KCNH1: variants seen among roughly 807,000 people sequenced by gnomAD.
The protein encoded by KCNH1 is voltage-gated delayed rectifier potassium channel KCNH1.
In KCNH1, 27 loss-of-function variants were observed where a neutral mutation model predicts 69.2. The ratio of observed to expected loss-of-function variants is 0.39; its 90% CI spans 0.29 to 0.54. The LOEUF (loss-of-function observed/expected upper bound fraction) is 0.54, where lower values mean the gene tolerates loss of function less well. Among genes scored for constraint, KCNH1 ranks in the 20% least tolerant of loss-of-function variants. The pLI is 0.68. For synonymous variants in KCNH1, 456 were observed against 487.7 expected (o/e 0.93, Z 0.86); for missense variants, 798 against 1,261.6 (o/e 0.63, Z 5.57).
intron 7 of KCNH1, among the ~76,000 whole-genome samples, chr1:210,913,807 C>A (rs1687283844): frequency 6.6e-6 from 1 of 152,176 alleles, no homozygotes; most frequent in South Asian, 2.1e-4. Flanking sequence ...GGCACATGAC[C>A]ACTCAGAATA....
chr1:210,826,926 T>C (rs1033319642), intron 7 of KCNH1, among the ~76,000 whole-genome samples: 2 of 152,246 alleles, frequency 1.3e-5, no homozygotes, highest in African/African-American at 4.8e-5. Context: ...AGTTGGCACA[T>C]AGACACCTGG....
chr1:210,733,605 C>T (rs147887095), intron 10 of KCNH1, among the ~76,000 whole-genome samples: 2 of 152,310 alleles, frequency 1.3e-5, no homozygotes, highest in African/African-American at 4.8e-5. Flanking sequence ...GCTGCACCAG[C>T]TGTGGGCATT....
intron 6 of KCNH1, among the ~76,000 whole-genome samples, chr1:210,963,696 T>C (rs1166366233): frequency 6.6e-6 from 1 of 151,866 alleles, no homozygotes; most frequent in East Asian, 1.9e-4. Context: ...ACATCAGAGA[T>C]TGAAGATCAA....
At chr1:211,049,563 G>A (rs931915283) in intron 5 of KCNH1, among the ~76,000 whole-genome samples, 1 of 152,146 alleles carries the variant, frequency 6.6e-6, no homozygotes, top group Non-Finnish European at 1.5e-5. Context: ...GGGAGAGCAG[G>A]ACTTGATGTG....
chr1:210,859,270 T>C, intron 7 of KCNH1: 1 of 1,603,864 alleles, frequency 6.2e-7, no homozygotes, highest in Non-Finnish European at 8.5e-7. Flanking sequence ...TCATTTTGGA[T>C]TCATGAGCTG....
chr1:210,921,079 C>T (rs989420681), intron 6 of KCNH1, among the ~76,000 whole-genome samples: 1 of 152,176 alleles, frequency 6.6e-6, no homozygotes, highest in Non-Finnish European at 1.5e-5. Flanking sequence ...AATTCAGTTA[C>T]CCCTTGGTTC....
intron 10 of KCNH1, among the ~76,000 whole-genome samples, chr1:210,742,469 A>G (rs1175077248): frequency 1.3e-5 from 2 of 152,138 alleles, no homozygotes; most frequent in African/African-American, 4.8e-5. Context: ...CTGCTTTCCT[A>G]TGGGCTCAAG....
chr1:210,716,448 AG>A (rs1487109307), intron 10 of KCNH1, among the ~76,000 whole-genome samples: 2 of 150,686 alleles, frequency 1.3e-5, no homozygotes, highest in Non-Finnish European at 1.5e-5. Context: ...AAAAAAAAAA[AG>A]CATGTTACAC....
intron 6 of KCNH1, among the ~76,000 whole-genome samples, chr1:210,926,928 G>T (rs570804834): frequency 1.3e-5 from 2 of 152,104 alleles, no homozygotes; most frequent in Non-Finnish European, 2.9e-5. Flanking sequence ...AAATGCACTG[G>T]AAAGTCTCAG....
chr1:210,701,000 C>G (rs1020382645), intron 10 of KCNH1, among the ~76,000 whole-genome samples: 5 of 152,040 alleles, frequency 3.3e-5, no homozygotes, highest in African/African-American at 9.7e-5. Flanking sequence ...TGCAGTGGCG[C>G]GATCTCGGCT....
At chr1:210,893,604 C>G (rs1262300983) in intron 7 of KCNH1, among the ~76,000 whole-genome samples, 1 of 151,872 alleles carries the variant, frequency 6.6e-6, no homozygotes, top group African/African-American at 2.4e-5. Context: ...AATATTGCTT[C>G]TACTTTCTCT....
intron 6 of KCNH1, among the ~76,000 whole-genome samples, chr1:210,943,918 C>T (rs11119636): frequency 0.7 from 106,918 of 152,038 alleles, 38,410 homozygotes; most frequent in African/African-American, 0.85. Flanking sequence ...CAGTAGATAC[C>T]GGTTTCCCAC....
intron 6 of KCNH1, among the ~76,000 whole-genome samples, chr1:210,970,456 A>G (rs902961663): frequency 6.6e-6 from 1 of 152,068 alleles, no homozygotes; most frequent in Non-Finnish European, 1.5e-5. Flanking sequence ...AGCTTCATCC[A>G]TGTCCCCGCA....
chr1:210,826,162 C>T (rs1407139471), intron 7 of KCNH1, among the ~76,000 whole-genome samples: 1 of 152,042 alleles, frequency 6.6e-6, no homozygotes, highest in Non-Finnish European at 1.5e-5. Context: ...AAATTAAAAA[C>T]TAGTTCTTCC....
In KCNH1 at chr1:211,082,801, G is replaced by A. The variant is rs1208908860; in HGVS notation, c.537C>T (p.His179=). ...APSVQKGENV[H]KHSRLAEVLQ... The stretch of plus-strand genomic sequence containing the variant: ...TTACCTCTGCCAGGCGGGAGTGCTT[G>A]TGGACATTCTCGCCTTTTTGCACGC... Residue 179 remains histidine (H), a synonymous_variant, in exon 5 of 11, where the codon CAC becomes CAT. Coordinates refer to ENST00000271751, the MANE Select transcript of KCNH1 (RefSeq NM_172362.3). The A allele has an allele frequency of 3.1e-6, 5 of 1,613,836 alleles. No homozygotes were observed. The Admixed American group carries it at 5.0e-5, about 16-fold the overall frequency.
intron 5 of KCNH1, among the ~76,000 whole-genome samples, chr1:211,076,905 T>C (rs1690744250): frequency 6.6e-6 from 1 of 151,810 alleles, no homozygotes; most frequent in South Asian, 2.1e-4. Flanking sequence ...CAGTGTAGAG[T>C]AGACCTTAAA....
intron 7 of KCNH1, among the ~76,000 whole-genome samples, chr1:210,813,093 A>T (rs1302177230): frequency 6.6e-6 from 1 of 152,244 alleles, no homozygotes; most frequent in Non-Finnish European, 1.5e-5. Flanking sequence ...GCGCTGGTAC[A>T]TAGAGACTCC....
At position 210,919,576 on chromosome 1, in the gene KCNH1, C is replaced by A; in HGVS notation, c.1462+64G>T. 7.1e-7 allele frequency: 1 copy of A among 1,418,132 alleles called. No homozygotes were observed. Among genetic ancestry groups the A allele is most frequent in the Non-Finnish European group, 9.8e-7 (1 of 1,019,456 alleles). 87.8% of individuals were successfully genotyped at this position (1,418,132 alleles called of 1,614,324 possible). On this transcript the variant is annotated intron_variant, in intron 7 of 10. Coordinates refer to ENST00000271751, the MANE Select transcript of KCNH1 (RefSeq NM_172362.3). This position sits in a 1 kb window ranked among gnomAD's most constrained non-coding sequence, Gnocchi z 4.2. The stretch of plus-strand genomic sequence containing the variant: ...TCTCCTGATCCTGCTGGCACTGTAG[C>A]CATTTCCCTGTTTCCAGCTAACAGA...
chr1:210,728,396 C>A (rs993201782), intron 10 of KCNH1, among the ~76,000 whole-genome samples: 1 of 152,124 alleles, frequency 6.6e-6, no homozygotes, highest in African/African-American at 2.4e-5. Flanking sequence ...AGAGACCACA[C>A]AGTAGGACAG....
Sources: allele counts gnomAD v4.1 joint callset (sites outside exome capture counted in the v4.1 genomes callset), GRCh38; gene constraint gnomAD v4.1.1; non-coding constraint Gnocchi (gnomAD v3.1); transcripts MANE v1.5; gene names NCBI Gene and HGNC (gene_info 2026-07-23, HGNC 2026-07-21).